SAMD5: variants seen among roughly 807,000 people sequenced by gnomAD.
The protein encoded by SAMD5 is sterile alpha motif domain containing 5.
A neutral mutation model predicts 11.3 loss-of-function variants in SAMD5; 13 were observed. The ratio of observed to expected loss-of-function variants is 1.15; its 90% CI spans 0.75 to 1.83. The LOEUF is 1.83. SAMD5 is among the 40% of genes most tolerant of loss of function. The pLI, the probability that SAMD5 is intolerant of heterozygous loss-of-function variation, is 0.00. For synonymous variants in SAMD5, 129 were observed against 111.3 expected, an observed-to-expected ratio of 1.16 and a Z score of -1.00; for missense variants, 255 against 239.1, an observed-to-expected ratio of 1.07 and a Z score of -0.44.
the SAMD5 span, among the ~76,000 whole-genome samples, chr6:147,946,688 C>T: frequency 6.6e-6 from 1 of 152,146 alleles, no homozygotes. Context: ...TGCACAGTTT[C>T]TGCGCTATTT....
chr6:147,878,629 A>C, the SAMD5 span, among the ~76,000 whole-genome samples: 1 of 148,144 alleles, frequency 6.8e-6, no homozygotes, highest in Non-Finnish European at 1.5e-5. Context: ...ATGTATATAT[A>C]TCTATATATT....
At chr6:147,828,892 A>T in the SAMD5 span, among the ~76,000 whole-genome samples, 1 of 152,136 alleles carries the variant, frequency 6.6e-6, no homozygotes, top group Non-Finnish European at 1.5e-5. Context: ...CAAAGGTACC[A>T]TAAAAGGAGA....
At chr6:147,621,275 A>G (rs10872600) in intron 1 of SAMD5, among the ~76,000 whole-genome samples, 66,004 of 152,024 alleles carry the variant, frequency 0.43, 14,998 homozygotes, top group East Asian at 0.58. Context: ...ACGTGAAATA[A>G]AACAGTGACA....
intron 1 of SAMD5, among the ~76,000 whole-genome samples, chr6:147,630,393 A>G (rs914976757): frequency 1.5e-4 from 23 of 152,286 alleles, no homozygotes; most frequent in African/African-American, 5.5e-4. Flanking sequence ...CTCTGAGTCC[A>G]AGCCTGCACG....
At chr6:147,515,585 TATCC>T (rs1461912133) in intron 1 of SAMD5, among the ~76,000 whole-genome samples, 2 of 152,008 alleles carry the variant, frequency 1.3e-5, no homozygotes, top group African/African-American at 4.8e-5. Flanking sequence ...TCCTTCCATT[TATCC>T]ATCCATCCAT....
At chr6:147,557,693 C>A (rs1788879416) in intron 1 of SAMD5, among the ~76,000 whole-genome samples, 1 of 152,228 alleles carries the variant, frequency 6.6e-6, no homozygotes, top group Non-Finnish European at 1.5e-5. Flanking sequence ...GACTCTATTT[C>A]CAAATAAGGT....
the SAMD5 span, among the ~76,000 whole-genome samples, chr6:147,926,869 C>G: frequency 6.6e-6 from 1 of 152,104 alleles, no homozygotes; most frequent in Non-Finnish European, 1.5e-5. Flanking sequence ...AGGAAGGGAT[C>G]CAGTTTCAAT....
At chr6:147,820,975 C>A in the SAMD5 span, among the ~76,000 whole-genome samples, 2 of 152,188 alleles carry the variant, frequency 1.3e-5, no homozygotes, top group Non-Finnish European at 2.9e-5. Flanking sequence ...TAGGACTCTT[C>A]TTTTTCTTAA....
At chr6:147,820,743 G>T in the SAMD5 span, among the ~76,000 whole-genome samples, 243 of 152,280 alleles carry the variant, frequency 1.6e-3, 1 homozygote, top group African/African-American at 5.6e-3. Flanking sequence ...TGTGCTCTGT[G>T]CCCGGGAGTT....
intron 1 of SAMD5, among the ~76,000 whole-genome samples, chr6:147,593,850 T>C (rs6911300): frequency 0.049 from 7,436 of 152,198 alleles, 550 homozygotes; most frequent in African/African-American, 0.16. Flanking sequence ...AACAGGCAGC[T>C]GGGCACGGTG....
At chr6:147,786,272 C>G in the SAMD5 span, among the ~76,000 whole-genome samples, 1 of 152,126 alleles carries the variant, frequency 6.6e-6, no homozygotes, top group Admixed American at 6.6e-5. Context: ...ATTGCCTATG[C>G]TTCTGTTTAT....
At chr6:147,609,852 G>A (rs1057235540) in intron 1 of SAMD5, among the ~76,000 whole-genome samples, 9 of 152,212 alleles carry the variant, frequency 5.9e-5, no homozygotes, top group East Asian at 1.9e-4. Flanking sequence ...CACCACGCCC[G>A]GCCAGAGAGA....
chr6:147,602,720 G>T (rs989685156), intron 1 of SAMD5, among the ~76,000 whole-genome samples: 4 of 151,988 alleles, frequency 2.6e-5, no homozygotes, highest in African/African-American at 9.7e-5. Flanking sequence ...CTGTAGCCTG[G>T]GAGACAGTGT....
chr6:147,795,222 C>A, the SAMD5 span, among the ~76,000 whole-genome samples: 4 of 123,596 alleles, frequency 3.2e-5, no homozygotes, highest in South Asian at 3.3e-4. Flanking sequence ...CCCCTCCCCC[C>A]ACCCCACAAC....
chr6:147,857,991 C>G, the SAMD5 span, among the ~76,000 whole-genome samples: 1 of 152,080 alleles, frequency 6.6e-6, no homozygotes, highest in South Asian at 2.1e-4. Flanking sequence ...GTCAGAATAT[C>G]ATCATATATG....
At chr6:147,547,292 A>C (rs1788701364) in intron 1 of SAMD5, among the ~76,000 whole-genome samples, 1 of 152,232 alleles carries the variant, frequency 6.6e-6, no homozygotes, top group Admixed American at 6.5e-5. Flanking sequence ...GGCAAGCCTC[A>C]AGCTTGACTG....
At chr6:147,790,675 A>G in the SAMD5 span, among the ~76,000 whole-genome samples, 1 of 151,522 alleles carries the variant, frequency 6.6e-6, no homozygotes. Flanking sequence ...TGCCTTCAGT[A>G]TTAGAGGGCA....
At chr6:147,905,325 G>T in the SAMD5 span, among the ~76,000 whole-genome samples, 2 of 152,064 alleles carry the variant, frequency 1.3e-5, no homozygotes, top group Non-Finnish European at 2.9e-5. Context: ...GGGATTACAG[G>T]CGTGTGCCAC....
At chr6:147,903,937 C>G in the SAMD5 span, among the ~76,000 whole-genome samples, 2 of 151,694 alleles carry the variant, frequency 1.3e-5, no homozygotes, top group Non-Finnish European at 2.9e-5. Flanking sequence ...CTTCTAAGAT[C>G]ACTTAATATT....
Sources: gnomAD v4.1 joint callset for allele counts (sites outside exome capture counted in the v4.1 genomes callset) on GRCh38, gnomAD v4.1.1 for gene constraint, MANE v1.5 for transcripts, NCBI Gene and HGNC (gene_info 2026-07-23, HGNC 2026-07-21) for gene names.